The following ABLIM3 variants were observed in gnomAD, a reference collection of about 807,000 sequenced individuals.
ABLIM3 encodes the protein actin-binding LIM protein 3.
In ABLIM3, 61 loss-of-function variants were observed where a neutral mutation model predicts 109.5. The observed-to-expected ratio is 0.56, with a 90% CI of 0.45 to 0.69. The LOEUF is 0.69. ABLIM3 is among the 30% of genes least tolerant of loss of function. The pLI, the probability that ABLIM3 is intolerant of heterozygous loss-of-function variation, is 0.00. For missense variants in ABLIM3, 796 were observed against 889.5 expected, an observed-to-expected ratio of 0.89 and a Z score of 1.34; for synonymous variants, 300 against 324.8, an observed-to-expected ratio of 0.92 and a Z score of 0.82.
chr5:149,258,150 G>A (rs1581263298), intron 23 of ABLIM3, 141 bp from the exon 24 acceptor site: 1 of 620,572 alleles, frequency 1.6e-6, no homozygotes. Context: ...ACATTCCCCA[G>A]GCTCAGGCAC....
At chr5:149,228,058 T>C (rs780738307) in intron 8 of ABLIM3, among the ~76,000 whole-genome samples, 1 of 152,204 alleles carries the variant, frequency 6.6e-6, no homozygotes, top group African/African-American at 2.4e-5. Flanking sequence ...AAACATCCCT[T>C]AGTGTAAGTA....
intron 16 of ABLIM3, among the ~76,000 whole-genome samples, chr5:149,246,121 C>G (rs1162681678): frequency 1.3e-5 from 2 of 152,188 alleles, no homozygotes; most frequent in African/African-American, 4.8e-5. Context: ...CATGATCACA[C>G]CACTGCACTC....
At chr5:149,216,469 C>T (rs533395920) in intron 7 of ABLIM3, 3 of 153,786 alleles carry the variant, frequency 2.0e-5, no homozygotes, top group East Asian at 1.9e-4. Flanking sequence ...AAGCACCGAA[C>T]TGGTACTTCG....
intron 14 of ABLIM3, among the ~76,000 whole-genome samples, chr5:149,241,026 C>T (rs1752767193): frequency 1.3e-5 from 2 of 152,190 alleles, no homozygotes; most frequent in Non-Finnish European, 2.9e-5. Context: ...GCAGGGAGCT[C>T]GAGTGAGATA....
intron 17 of ABLIM3, 67 bp downstream of exon 17, chr5:149,246,613 C>A: frequency 1.3e-6 from 2 of 1,518,398 alleles, no homozygotes; most frequent in Admixed American, 2.1e-5. Context: ...TTTTCATTTA[C>A]AAGCAACAAA....
rs1754684395 is a variant in ABLIM3, at chr5:149,258,982, G to C, written c.*578G>C. 1 of 992,334 alleles carries C rather than the reference G, an allele frequency of 1.0e-6. No individual in the cohort carries two copies. Among genetic ancestry groups the C allele is most frequent in the Non-Finnish European group, 1.2e-6 (1 of 834,350 alleles). 61.5% of individuals were successfully genotyped at this position (992,334 alleles called of 1,614,324 possible). A position where few individuals can be genotyped will look rare whatever the true frequency, so the allele number is the denominator to read the frequency against. On this transcript the variant is annotated 3_prime_UTR_variant, in exon 24 of 24. Coordinates refer to ENST00000309868, the MANE Select transcript of ABLIM3 (RefSeq NM_014945.5). ...GTCATTACACCAGTCAACAGAAGTGGACAGGGCCTAGGCCTCTCCTCAGCT... is the reference window on the plus strand; with the variant it reads ...GTCATTACACCAGTCAACAGAAGTGCACAGGGCCTAGGCCTCTCCTCAGCT...
chr5:149,216,649 G>T, intron 7 of ABLIM3: 1 of 333,100 alleles, frequency 3.0e-6, no homozygotes, highest in Non-Finnish European at 5.5e-6. Flanking sequence ...CTCAAAGCAA[G>T]CCTGTTTCCT....
Position 149,259,179 on chromosome 5 carries a change from A to T in ABLIM3, c.*775A>T. The stretch of plus-strand genomic sequence containing the variant: ...AAAAGAGAGGGAGCGGAAGTGGGAG[A>T]TGGAGCAGGGCACCTGTTAGAATCA... On this transcript the variant is annotated 3_prime_UTR_variant, in exon 24 of 24. Transcript: ENST00000309868. The T allele has an allele frequency of 9.5e-7, 1 of 1,053,470 alleles. No homozygotes were observed. Among genetic ancestry groups the T allele is most frequent in the South Asian group, 4.1e-5 (1 of 24,540 alleles). The allele number at this position is 1,053,470 out of a possible 1,614,324, so 65.3% of individuals were successfully genotyped here.
In ABLIM3 at chr5:149,259,270, C is replaced by G; in HGVS notation, c.*866C>G. 1 of 1,327,694 alleles carries G rather than the reference C, an allele frequency of 7.5e-7. No individual in the cohort carries two copies. The highest frequency in any genetic ancestry group is 9.6e-7 in the Non-Finnish European group (1 of 1,036,414). The allele number at this position is 1,327,694 out of a possible 1,614,324, so 82.2% of individuals were successfully genotyped here. A position where few individuals can be genotyped will look rare whatever the true frequency, so the allele number is the denominator to read the frequency against. ...GCTCCCAGCACCTCCTGACCCTTCCCTCTTTCAAGGAGAAGCCCATGATTG... is the reference window on the plus strand; with the variant it reads ...GCTCCCAGCACCTCCTGACCCTTCCGTCTTTCAAGGAGAAGCCCATGATTG... On this transcript the variant is annotated 3_prime_UTR_variant, in exon 24 of 24. Coordinates refer to ENST00000309868, the MANE Select transcript of ABLIM3 (RefSeq NM_014945.5).
At chr5:149,206,020 T>A (rs1758929256) in intron 5 of ABLIM3, among the ~76,000 whole-genome samples, 1 of 152,222 alleles carries the variant, frequency 6.6e-6, no homozygotes, top group South Asian at 2.1e-4. Flanking sequence ...TGTGCATTTG[T>A]CTTATGGAGC....
At chr5:149,152,015 C>T (rs1430565882) in intron 2 of ABLIM3, among the ~76,000 whole-genome samples, 1 of 152,288 alleles carries the variant, frequency 6.6e-6, no homozygotes, top group South Asian at 2.1e-4. Flanking sequence ...CTTATTTGCC[C>T]TACACCAGGT....
chr5:149,242,115 C>T (rs1166411629), intron 14 of ABLIM3, among the ~76,000 whole-genome samples: 1 of 152,190 alleles, frequency 6.6e-6, no homozygotes, highest in Admixed American at 6.5e-5. Flanking sequence ...TCGGCTGCAG[C>T]ATCCTGGGAA....
intron 3 of ABLIM3, among the ~76,000 whole-genome samples, chr5:149,184,198 G>T (rs1403077182): frequency 6.6e-6 from 1 of 152,088 alleles, no homozygotes; most frequent in East Asian, 1.9e-4. Context: ...TTAGCAGCAG[G>T]AAAAGGGACT....
chr5:149,256,017 T>C (rs1173105001), intron 23 of ABLIM3, among the ~76,000 whole-genome samples: 1 of 152,212 alleles, frequency 6.6e-6, no homozygotes, highest in Admixed American at 6.5e-5. Flanking sequence ...CACATGGCCA[T>C]TTCTCCCTGG....
intron 2 of ABLIM3, among the ~76,000 whole-genome samples, chr5:149,181,651 C>G (rs749383988): frequency 1.3e-5 from 2 of 152,280 alleles, no homozygotes; most frequent in African/African-American, 2.4e-5. Context: ...GGGAGATGAT[C>G]AGAAGTCCTG....
At position 149,232,530 on chromosome 5, in the gene ABLIM3, C is replaced by T. The variant is rs565291700; in HGVS notation, c.817-699C>T. ...AAACTTTATAGCCCCACTTAGAATG[C>T]TTTAAATTGTAGGATGAGAAAACTG... On this transcript the variant is annotated intron_variant, in intron 9 of 23. Coordinates refer to ENST00000309868, the MANE Select transcript of ABLIM3 (RefSeq NM_014945.5). Among the ~76,000 whole-genome samples the T allele has an allele frequency of 5.9e-5, 9 of 152,330 alleles. No individual in the cohort carries two copies. The East Asian group carries it at 9.6e-4, about 16-fold the overall frequency.
chr5:149,141,505 G>GC lies in ABLIM3; in HGVS notation c.-235dup, dbSNP rs1260620591. The GC allele has an allele frequency of 3.3e-5, 5 of 152,854 alleles. No homozygotes were observed. The highest frequency in any genetic ancestry group is 3.3e-4 in the Admixed American group (5 of 15,300). 9.5% of individuals were successfully genotyped at this position (152,854 alleles called of 1,614,324 possible). On this transcript the variant is annotated 5_prime_UTR_variant, in exon 1 of 24. Coordinates refer to ENST00000309868, the MANE Select transcript of ABLIM3 (RefSeq NM_014945.5). ...AGCGAGCGGCCGCGCCCCCTGCGCTGCCAACCCGCGAGCCCGCATCATGGA... is the reference window on the plus strand; with the variant it reads ...AGCGAGCGGCCGCGCCCCCTGCGCTGCCCAACCCGCGAGCCCGCATCATGGA...
At chr5:149,145,630 T>G (rs993763833) in intron 2 of ABLIM3, among the ~76,000 whole-genome samples, 2 of 152,240 alleles carry the variant, frequency 1.3e-5, no homozygotes, top group Non-Finnish European at 2.9e-5. Context: ...GCATCCCTTT[T>G]TCTTTGCAGC....
At chr5:149,189,139 A>G (rs1757248880) in intron 3 of ABLIM3, among the ~76,000 whole-genome samples, 1 of 152,198 alleles carries the variant, frequency 6.6e-6, no homozygotes, top group East Asian at 1.9e-4. Context: ...AGGTGTTTGG[A>G]AAACTGAATA....
Sources: gnomAD v4.1 joint callset for allele counts (sites outside exome capture counted in the v4.1 genomes callset) on GRCh38, gnomAD v4.1.1 for gene constraint, MANE v1.5 for transcripts, NCBI Gene and HGNC (gene_info 2026-07-23, HGNC 2026-07-21) for gene names.